Variants in HDAC7 observed in about 807,000 individuals in gnomAD.
HDAC7 encodes the protein histone deacetylase 7A.
HDAC7 carries 26 observed loss-of-function variants against 115.5 expected under a neutral mutation model. That is an observed-to-expected ratio of 0.23 (90% CI 0.16 to 0.31). The LOEUF is 0.31. Among genes scored for constraint, HDAC7 ranks in the 10% least tolerant of loss-of-function variants. The pLI is 1.00. For synonymous variants in HDAC7, 564 were observed against 550.9 expected (o/e 1.02, Z -0.33); for missense variants, 1,068 against 1,329.0 (o/e 0.80, Z 3.05).
In HDAC7 at chr12:47,795,578, C is replaced by A. The variant is rs1025468230; in HGVS notation, c.1087+9G>T. On this transcript the variant is annotated intron_variant, in intron 10 of 25. Transcript: ENST00000080059. This position sits in a 1 kb window ranked among gnomAD's most constrained non-coding sequence, Gnocchi z 4.3. ...CCCAGCCCCTTCCCTGAAGAAGCAG[C>A]AGACTCACCAGTCAGCAGCGGGGCA... The A allele has an allele frequency of 3.2e-6, 5 of 1,556,228 alleles. No individual in the cohort carries two copies. In the African/African-American group the frequency reaches 6.8e-5, roughly 21 times the overall value.
intron 1 of HDAC7, among the ~76,000 whole-genome samples, chr12:47,808,174 C>A (rs1944483713): frequency 6.6e-6 from 1 of 152,202 alleles, no homozygotes; most frequent in South Asian, 2.1e-4. Flanking sequence ...GCAGCTGGGG[C>A]CCTGAGGCAG....
rs1458328090 is a variant in HDAC7 at position 47,798,761 on chromosome 12, A to C, written c.258+24T>G. On this transcript the variant is annotated intron_variant, in intron 3 of 25. Transcript: ENST00000080059. The surrounding 1 kb of genome is among the most constrained non-coding windows in gnomAD (Gnocchi z 4.3). ...TGGGGACCAAGCTCAAGGTGGCCCCACATGCAGGGAGCTCCATCTTTACCC... is the reference window on the plus strand; with the variant it reads ...TGGGGACCAAGCTCAAGGTGGCCCCCCATGCAGGGAGCTCCATCTTTACCC... 6.4e-7 allele frequency: 1 copy of C among 1,554,660 alleles called. No homozygotes were observed. Among genetic ancestry groups the C allele is most frequent in the Non-Finnish European group, 8.7e-7 (1 of 1,148,516 alleles).
chr12:47,795,866 G>C lies in HDAC7; in HGVS notation c.906+40C>G, dbSNP rs1355475241. On this transcript the variant is annotated intron_variant, in intron 9 of 25. Transcript: ENST00000080059. This position sits in a 1 kb window ranked among gnomAD's most constrained non-coding sequence, Gnocchi z 4.3. The stretch of plus-strand genomic sequence containing the variant: ...GCAAGAAAAGGGAGTGAAAGAAGCT[G>C]GGGGGGCTTGGAGTGGGGGTGGGCA... 3.3e-6 allele frequency: 5 copies of C among 1,518,510 alleles called. No homozygotes were observed. The Admixed American group carries it at 7.9e-5, about 24-fold the overall frequency. 94.1% of individuals were successfully genotyped at this position (1,518,510 alleles called of 1,614,324 possible).
At chr12:47,814,469 T>G (rs1944793939) in intron 1 of HDAC7, among the ~76,000 whole-genome samples, 1 of 151,736 alleles carries the variant, frequency 6.6e-6, no homozygotes, top group South Asian at 2.1e-4. Flanking sequence ...GGGAGGAAGG[T>G]GAAACAGGAG....
Position 47,803,031 on chromosome 12 carries a change from A to G in HDAC7, c.20-757T>C. Among the ~76,000 whole-genome samples the G allele has an allele frequency of 6.6e-6, 1 of 152,182 alleles. No individual in the cohort carries two copies. The highest frequency in any genetic ancestry group is 6.5e-5 in the Admixed American group (1 of 15,284). ...TGAGATAGAAATCTTTTCTTTTGGA[A>G]ATGGCTACCTCTCTCAGGCTCCTAA... On this transcript the variant is annotated intron_variant, in intron 1 of 25. Coordinates refer to ENST00000080059, the MANE Select transcript of HDAC7 (RefSeq NM_015401.5). The surrounding 1 kb of genome is among the most constrained non-coding windows in gnomAD (Gnocchi z 4.0).
At chr12:47,792,476 G>A (rs1476335605) in intron 13 of HDAC7, 4 of 344,146 alleles carry the variant, frequency 1.2e-5, no homozygotes, top group Non-Finnish European at 1.7e-5. Context: ...AGAAGCCCAC[G>A]ATGACACTGG....
At chr12:47,800,807 C>T (rs375425900) in intron 2 of HDAC7, among the ~76,000 whole-genome samples, 2 of 152,246 alleles carry the variant, frequency 1.3e-5, no homozygotes, top group Non-Finnish European at 2.9e-5. Context: ...TCCCCTCACA[C>T]TCTGCATGGC....
At position 47,782,843 on chromosome 12, in the gene HDAC7, TCACA is replaced by T. The variant is rs888113038; in HGVS notation, c.*994_*997del. 3.8e-5 allele frequency: 3 copies of T among 78,116 alleles called. No homozygotes were observed. The highest frequency in any genetic ancestry group is 3.0e-4 in the South Asian group (1 of 3,344). 4.8% of individuals were successfully genotyped at this position (78,116 alleles called of 1,614,324 possible). On this transcript the variant is annotated 3_prime_UTR_variant, in exon 26 of 26. Coordinates refer to ENST00000080059, the MANE Select transcript of HDAC7 (RefSeq NM_015401.5). ...GGAAAGACACACACACACGCCTCACTCACACACACGCTCACACACACGCCTCACT... is the reference window on the plus strand; with the variant it reads ...GGAAAGACACACACACACGCCTCACTCACACGCTCACACACACGCCTCACT...
chr12:47,785,694 C>T (rs762123309), intron 23 of HDAC7, 58 bp downstream of exon 23: 109 of 1,549,166 alleles, frequency 7.0e-5, no homozygotes, highest in Non-Finnish European at 9.3e-5. Context: ...TTGGGTAGTC[C>T]TGAGAGCCGG....
intron 1 of HDAC7, among the ~76,000 whole-genome samples, chr12:47,817,009 A>C (rs1191675433): frequency 1.3e-5 from 2 of 152,162 alleles, no homozygotes; most frequent in African/African-American, 2.4e-5. Context: ...GACTCCTCCT[A>C]ATACTCAGGC....
rs780236417 is a variant in HDAC7 at position 47,798,070 on chromosome 12, G to A, written c.461+38C>T. On this transcript the variant is annotated intron_variant, in intron 5 of 25. Transcript: ENST00000080059. The surrounding 1 kb of genome is among the most constrained non-coding windows in gnomAD (Gnocchi z 4.3). Reference sequence around the variant, plus strand: ...TAACACGGGGGCGGGGGTGGAGGGTGCATGTGGGGACAGGAGGGCAGGTGA... The same window carrying A: ...TAACACGGGGGCGGGGGTGGAGGGTACATGTGGGGACAGGAGGGCAGGTGA... The A allele has an allele frequency of 1.4e-6, 2 of 1,420,996 alleles. No individual in the cohort carries two copies. The highest frequency in any genetic ancestry group is 1.0e-6 in the Non-Finnish European group (1 of 1,004,096). 88.0% of individuals were successfully genotyped at this position (1,420,996 alleles called of 1,614,324 possible).
intron 24 of HDAC7, 134 bp from the exon 25 acceptor site, chr12:47,784,351 G>A (rs1202297829): frequency 4.3e-6 from 4 of 922,032 alleles, no homozygotes; most frequent in Non-Finnish European, 6.4e-6. Flanking sequence ...CTTAGGGTCG[G>A]CTCTCCCACC....
At position 47,798,231 on chromosome 12, in the gene HDAC7, G is replaced by A. The variant is rs1337856451; in HGVS notation, c.350-12C>T. ...GCTGGCTACAGCACCTGTAGGGGCAGAGTCAGGAGGGGGCTGGAGGTGGGT... is the reference window on the plus strand; with the variant it reads ...GCTGGCTACAGCACCTGTAGGGGCAAAGTCAGGAGGGGGCTGGAGGTGGGT... On this transcript the variant is annotated splice_polypyrimidine_tract_variant and intron_variant, in intron 4 of 25. Coordinates refer to ENST00000080059, the MANE Select transcript of HDAC7 (RefSeq NM_015401.5). This position sits in a 1 kb window ranked among gnomAD's most constrained non-coding sequence, Gnocchi z 4.3. 1.2e-6 allele frequency: 2 copies of A among 1,601,322 alleles called. No individual in the cohort carries two copies. The highest frequency in any genetic ancestry group is 1.7e-6 in the Non-Finnish European group (2 of 1,168,744).
chr12:47,815,053 G>A (rs1308782760), intron 1 of HDAC7, among the ~76,000 whole-genome samples: 1 of 152,312 alleles, frequency 6.6e-6, no homozygotes, highest in East Asian at 1.9e-4. Context: ...TCTGTACCCA[G>A]TGCCTAGAAC....
chr12:47,819,560 C>T (rs993196666), intron 1 of HDAC7, among the ~76,000 whole-genome samples: 2 of 151,752 alleles, frequency 1.3e-5, no homozygotes, highest in African/African-American at 2.4e-5. Context: ...CCGGAACCAG[C>T]TCCGACCCGG....
chr12:47,814,813 G>A (rs1355492026), intron 1 of HDAC7, among the ~76,000 whole-genome samples: 1 of 152,210 alleles, frequency 6.6e-6, no homozygotes, highest in Non-Finnish European at 1.5e-5. Flanking sequence ...GTGGGAGACG[G>A]CATCAATGTC....
intron 16 of HDAC7, 107 bp from the exon 17 acceptor site, chr12:47,790,027 T>A (rs912771849): frequency 2.5e-6 from 2 of 801,664 alleles, no homozygotes; most frequent in East Asian, 5.1e-5. Context: ...GGCAGGGAGC[T>A]GGGCAGACAG....
chr12:47,784,255 G>A (rs1298508983), intron 24 of HDAC7, 38 bp from the exon 25 acceptor site: 2 of 1,588,190 alleles, frequency 1.3e-6, no homozygotes, highest in Admixed American at 3.5e-5. Flanking sequence ...GTTGGAGAAA[G>A]CAAGCCCCTC....
At chr12:47,816,582 C>A (rs1944856545) in intron 1 of HDAC7, among the ~76,000 whole-genome samples, 1 of 152,198 alleles carries the variant, frequency 6.6e-6, no homozygotes, top group Non-Finnish European at 1.5e-5. Context: ...TCACACACAT[C>A]TCATGCAGAC....
Sources: allele counts gnomAD v4.1 joint callset (sites outside exome capture counted in the v4.1 genomes callset), GRCh38; gene constraint gnomAD v4.1.1; non-coding constraint Gnocchi (gnomAD v3.1); transcripts MANE v1.5; gene names NCBI Gene and HGNC (gene_info 2026-07-23, HGNC 2026-07-21).